The following L3MBTL4 variants were observed in gnomAD, a reference collection of about 807,000 sequenced individuals.
L3MBTL4 encodes the protein lethal(3)malignant brain tumor-like protein 4.
L3MBTL4 carries 70 observed loss-of-function variants against 84.5 expected under a neutral mutation model. The ratio of observed to expected loss-of-function variants is 0.83; its 90% confidence interval spans 0.68 to 1.01. The LOEUF (loss-of-function observed/expected upper bound fraction) is 1.01, where lower values mean the gene tolerates loss of function less well. Among genes scored for constraint, L3MBTL4 ranks in the 50% least tolerant of loss-of-function variants. The pLI is 0.00. For missense variants in L3MBTL4, 715 were observed against 754.8 expected (o/e 0.95, Z 0.62); for synonymous variants, 274 against 259.8 (o/e 1.05, Z -0.52).
chr18:6,118,070 G>T (rs2059409699), intron 14 of L3MBTL4, among the ~76,000 whole-genome samples: 2 of 152,018 alleles, frequency 1.3e-5, no homozygotes, highest in Non-Finnish European at 2.9e-5. Context: ...AAGTTGTAGA[G>T]GCTCCTGTCA....
chr18:5,965,238 A>G (rs28482413), intron 17 of L3MBTL4, among the ~76,000 whole-genome samples: 2,571 of 152,316 alleles, frequency 0.017, 73 homozygotes, highest in African/African-American at 0.058. Flanking sequence ...CAGCCATAGT[A>G]ACAAAGGAGT....
chr18:6,191,459 G>C (rs931802536), intron 12 of L3MBTL4, among the ~76,000 whole-genome samples: 33 of 152,252 alleles, frequency 2.2e-4, no homozygotes, highest in African/African-American at 7.2e-4. Context: ...AGATGGAGGA[G>C]GTAGCAGTGG....
At chr18:5,988,022 A>G (rs770633438) in intron 16 of L3MBTL4, among the ~76,000 whole-genome samples, 30 of 152,252 alleles carry the variant, frequency 2.0e-4, no homozygotes, top group Non-Finnish European at 4.1e-4. Context: ...ACTGTAAGTT[A>G]TTAGAAATAA....
At chr18:6,206,731 A>G (rs2088863737) in intron 12 of L3MBTL4, among the ~76,000 whole-genome samples, 2 of 152,184 alleles carry the variant, frequency 1.3e-5, no homozygotes, top group African/African-American at 4.8e-5. Flanking sequence ...AGGGTTATCA[A>G]CTGATAGGAG....
At chr18:6,366,115 T>G (rs547791815) in intron 1 of L3MBTL4, among the ~76,000 whole-genome samples, 1 of 152,340 alleles carries the variant, frequency 6.6e-6, no homozygotes, top group Non-Finnish European at 1.5e-5. Flanking sequence ...TCTATAGTCT[T>G]TTCCTTCTCT....
At chr18:6,259,437 G>A (rs1323567267) in intron 5 of L3MBTL4, 1 of 152,088 alleles carries the variant, frequency 6.6e-6, no homozygotes, top group Non-Finnish European at 1.5e-5. Flanking sequence ...GTATCTCGTT[G>A]TGGTTTTAAT....
At chr18:6,112,612 C>T (rs893645560) in intron 14 of L3MBTL4, among the ~76,000 whole-genome samples, 4 of 152,144 alleles carry the variant, frequency 2.6e-5, no homozygotes, top group African/African-American at 9.7e-5. Flanking sequence ...AATCTCTGCT[C>T]CGTATTCAGA....
chr18:6,368,977 G>T (rs1419130644), intron 1 of L3MBTL4, among the ~76,000 whole-genome samples: 1 of 151,776 alleles, frequency 6.6e-6, no homozygotes, highest in Non-Finnish European at 1.5e-5. Flanking sequence ...GGAAGGTGGA[G>T]GCTGCAGTGA....
chr18:6,335,638 T>A (rs764176292), intron 1 of L3MBTL4, among the ~76,000 whole-genome samples: 5 of 152,186 alleles, frequency 3.3e-5, no homozygotes, highest in Non-Finnish European at 5.9e-5. Flanking sequence ...ATCCTCCACA[T>A]GTCAAGGGAG....
chr18:6,007,035 ATCTC>A (rs2054519310), intron 16 of L3MBTL4, among the ~76,000 whole-genome samples: 2 of 152,192 alleles, frequency 1.3e-5, no homozygotes, highest in South Asian at 2.1e-4. Context: ...CATGGAAAAG[ATCTC>A]TCTATGTTAT....
intron 4 of L3MBTL4, among the ~76,000 whole-genome samples, chr18:6,290,102 T>C (rs1298084250): frequency 6.6e-6 from 1 of 152,040 alleles, no homozygotes; most frequent in Non-Finnish European, 1.5e-5. Flanking sequence ...GTTTATTTCT[T>C]GTAGAGACAA....
At chr18:6,002,531 T>C (rs897390181) in intron 16 of L3MBTL4, among the ~76,000 whole-genome samples, 1 of 152,134 alleles carries the variant, frequency 6.6e-6, no homozygotes, top group African/African-American at 2.4e-5. Context: ...TAATTTGTGA[T>C]ACAAGTAACT....
rs1009117275 is a variant in L3MBTL4 at position 6,108,038 on chromosome 18, T to C, written c.1200-14510A>G. On this transcript the variant is annotated intron_variant, in intron 14 of 18. Coordinates refer to ENST00000317931, the MANE Select transcript of L3MBTL4 (RefSeq NM_001330559.2). ...TGGTCTGAAGAGGCTTCCTCCCCCA[T>C]CTACGTCACTTGCAACACACTCCTG... Among the ~76,000 whole-genome samples the C allele has an allele frequency of 2.6e-5, 4 of 152,226 alleles. No homozygotes were observed. In the South Asian group the frequency reaches 8.3e-4, roughly 32 times the overall value.
chr18:6,350,145 A>G (rs1429629104), intron 1 of L3MBTL4, among the ~76,000 whole-genome samples: 3 of 152,142 alleles, frequency 2.0e-5, no homozygotes, highest in African/African-American at 7.2e-5. Flanking sequence ...AGCTGAAACT[A>G]TAAAACTCCT....
At chr18:6,117,063 G>A (rs1032682912) in intron 14 of L3MBTL4, among the ~76,000 whole-genome samples, 4 of 152,332 alleles carry the variant, frequency 2.6e-5, no homozygotes, top group African/African-American at 7.2e-5. Context: ...TGAGATCCAC[G>A]CATATTGTTG....
chr18:6,310,576 C>T (rs1210602050), intron 3 of L3MBTL4, among the ~76,000 whole-genome samples: 3 of 152,190 alleles, frequency 2.0e-5, no homozygotes, highest in Non-Finnish European at 4.4e-5. Flanking sequence ...ACTTCAGCAA[C>T]GGCAATGTGT....
chr18:6,353,097 G>A (rs780098725), intron 1 of L3MBTL4, among the ~76,000 whole-genome samples: 3 of 152,084 alleles, frequency 2.0e-5, no homozygotes, highest in Non-Finnish European at 4.4e-5. Flanking sequence ...GGCACATTCT[G>A]TTTCATAAGC....
chr18:6,154,703 G>A (rs1249686600), intron 13 of L3MBTL4, among the ~76,000 whole-genome samples: 3 of 152,148 alleles, frequency 2.0e-5, no homozygotes, highest in Non-Finnish European at 2.9e-5. Context: ...CCACTCTGGT[G>A]GGCTTACTGA....
chr18:6,024,275 G>A (rs902439483), intron 16 of L3MBTL4, among the ~76,000 whole-genome samples: 1 of 152,212 alleles, frequency 6.6e-6, no homozygotes, highest in Non-Finnish European at 1.5e-5. Flanking sequence ...TTCTTAAAAT[G>A]AGAGCATATC....
Sources: gnomAD v4.1 joint callset for allele counts (sites outside exome capture counted in the v4.1 genomes callset) on GRCh38, gnomAD v4.1.1 for gene constraint, MANE v1.5 for transcripts, NCBI Gene and HGNC (gene_info 2026-07-23, HGNC 2026-07-21) for gene names.